PCDH15: variants seen among roughly 807,000 people sequenced by gnomAD.
The protein encoded by PCDH15 is protocadherin related 15, also known as protocadherin-15.
Under a neutral mutation model 178.5 loss-of-function variants are expected in PCDH15, and 129 were observed. The observed-to-expected ratio is 0.72, with a 90% confidence interval of 0.63 to 0.84. The LOEUF (loss-of-function observed/expected upper bound fraction) is 0.84, where lower values mean the gene tolerates loss of function less well. Among genes scored for constraint, PCDH15 ranks in the 40% least tolerant of loss-of-function variants. The pLI, the probability that PCDH15 is intolerant of heterozygous loss-of-function variation, is 0.00. For synonymous variants in PCDH15, 800 were observed against 732.0 expected, an observed-to-expected ratio of 1.09 and a Z score of -1.50; for missense variants, 2,230 against 2,099.9, an observed-to-expected ratio of 1.06 and a Z score of -1.21.
At chr10:54,485,677 G>A (rs956280594) in intron 3 of PCDH15, among the ~76,000 whole-genome samples, 3 of 151,922 alleles carry the variant, frequency 2.0e-5, no homozygotes, top group Non-Finnish European at 4.4e-5. Context: ...CAGGACAGAT[G>A]GAGTTGCTTT....
intron 16 of PCDH15, among the ~76,000 whole-genome samples, chr10:54,087,879 T>C (rs2094540036): frequency 6.6e-6 from 1 of 152,132 alleles, no homozygotes; most frequent in South Asian, 2.1e-4. Context: ...GCTCTCTTGA[T>C]AGAGTTCAGG....
At chr10:54,787,367 C>T in intron 1 of PCDH15, among the ~76,000 whole-genome samples, 1 of 151,756 alleles carries the variant, frequency 6.6e-6, no homozygotes, top group Non-Finnish European at 1.5e-5. Context: ...TATCTAAAAG[C>T]ATTTATTTTT....
At chr10:55,171,859 G>C (rs182297827) in intron 1 of PCDH15, among the ~76,000 whole-genome samples, 134 of 151,938 alleles carry the variant, frequency 8.8e-4, no homozygotes, top group Non-Finnish European at 1.4e-3. Context: ...TGGCTAAATA[G>C]TAGTGATGTA....
intron 2 of PCDH15, among the ~76,000 whole-genome samples, chr10:54,953,514 T>C (rs899328964): frequency 2.6e-5 from 4 of 151,458 alleles, no homozygotes; most frequent in African/African-American, 9.7e-5. Flanking sequence ...GAAATCATTA[T>C]AATACACCTA....
intron 3 of PCDH15, among the ~76,000 whole-genome samples, chr10:54,478,079 G>T (rs757679631): frequency 6.6e-6 from 1 of 151,646 alleles, no homozygotes; most frequent in Non-Finnish European, 1.5e-5. Flanking sequence ...ATATCTAGTC[G>T]CCCTAATAAT....
chr10:55,222,175 T>G (rs1840896436), intron 1 of PCDH15, among the ~76,000 whole-genome samples: 1 of 151,826 alleles, frequency 6.6e-6, no homozygotes, highest in Admixed American at 6.6e-5. Flanking sequence ...GCGCCCAGCC[T>G]ATATAATTTA....
chr10:54,225,006 A>G (rs902716975), intron 9 of PCDH15, among the ~76,000 whole-genome samples: 1 of 152,180 alleles, frequency 6.6e-6, no homozygotes, highest in Admixed American at 6.5e-5. Flanking sequence ...ATCCATTTTT[A>G]CATATTATTA....
intron 9 of PCDH15, among the ~76,000 whole-genome samples, chr10:54,219,558 A>G (rs2052542193): frequency 7.1e-6 from 1 of 139,932 alleles, no homozygotes; most frequent in Non-Finnish European, 1.5e-5. Context: ...CCGCCACTGC[A>G]CTCCAGCTTG....
At chr10:54,902,189 C>G (rs1954648563) in intron 2 of PCDH15, among the ~76,000 whole-genome samples, 2 of 152,130 alleles carry the variant, frequency 1.3e-5, no homozygotes, top group Admixed American at 6.6e-5. Flanking sequence ...TCAATAAGCT[C>G]TATACCTACT....
intron 2 of PCDH15, among the ~76,000 whole-genome samples, chr10:54,577,249 A>ATT (rs10699732): frequency 0.1 from 14,288 of 141,630 alleles, 979 homozygotes; most frequent in East Asian, 0.33. Context: ...CGCCCAGCTA[A>ATT]TTTTTTTTTT....
At chr10:54,058,767 C>T (rs1473758776) in intron 18 of PCDH15, among the ~76,000 whole-genome samples, 6 of 151,646 alleles carry the variant, frequency 4.0e-5, no homozygotes, top group Non-Finnish European at 7.4e-5. Flanking sequence ...AATCTCAACT[C>T]ACTGCAACCT....
At chr10:55,146,719 A>G (rs1237845849) in intron 2 of PCDH15, among the ~76,000 whole-genome samples, 1 of 151,958 alleles carries the variant, frequency 6.6e-6, no homozygotes, top group African/African-American at 2.4e-5. Flanking sequence ...TATCATGGCC[A>G]TTATTAAAAT....
chr10:55,344,372 ATTCATGGGG>A (rs886967049), intron 2 of PCDH15, among the ~76,000 whole-genome samples: 51 of 152,218 alleles, frequency 3.4e-4, no homozygotes, highest in African/African-American at 1.2e-3. Context: ...TATGAATAAA[ATTCATGGGG>A]TTCAGGGGAA....
chr10:54,585,987 A>G (rs2091435483), intron 2 of PCDH15, among the ~76,000 whole-genome samples: 1 of 152,152 alleles, frequency 6.6e-6, no homozygotes, highest in Non-Finnish European at 1.5e-5. Context: ...CCGAGAAGGG[A>G]CAATAAAATT....
Position 54,485,061 on chromosome 10 carries a change from A to G in PCDH15, c.157+42751T>C, listed in dbSNP as rs146367930. 4.8e-3 allele frequency among the ~76,000 whole-genome samples: 724 copies of G among 151,984 alleles called. 5 individuals carry two copies. Among genetic ancestry groups the G allele is most frequent in the African/African-American group, 0.017 (698 of 41,512 alleles). On this transcript the variant is annotated intron_variant, in intron 3 of 37. Transcript: ENST00000644397. ...ATTAACAATATATAAGCAACTACAT[A>G]AGGCTGAAATAGGCAGGGATTGTGA...
At chr10:54,799,255 C>T (rs1952384052) in intron 1 of PCDH15, among the ~76,000 whole-genome samples, 1 of 152,064 alleles carries the variant, frequency 6.6e-6, no homozygotes, top group Admixed American at 6.6e-5. Context: ...TGCCTATCTG[C>T]TGTGAAAGTT....
intron 8 of PCDH15, among the ~76,000 whole-genome samples, chr10:54,267,471 A>G (rs1484924830): frequency 1.3e-5 from 2 of 151,958 alleles, no homozygotes; most frequent in Admixed American, 1.3e-4. Context: ...ATAGGAAAAG[A>G]GGAAGTTAAA....
chr10:55,018,409 T>C (rs578152958), intron 2 of PCDH15, among the ~76,000 whole-genome samples: 1 of 152,150 alleles, frequency 6.6e-6, no homozygotes, highest in Non-Finnish European at 1.5e-5. Context: ...AGGTTATTTT[T>C]AATACCTAAT....
intron 2 of PCDH15, among the ~76,000 whole-genome samples, chr10:55,371,776 GT>G (rs1464129184): frequency 3.9e-5 from 6 of 152,030 alleles, no homozygotes; most frequent in African/African-American, 1.4e-4. Flanking sequence ...GTCTCAGGTA[GT>G]TTTTTATAGC....
Sources: allele counts gnomAD v4.1 joint callset (sites outside exome capture counted in the v4.1 genomes callset), GRCh38; gene constraint gnomAD v4.1.1; transcripts MANE v1.5; gene names NCBI Gene and HGNC (gene_info 2026-07-23, HGNC 2026-07-21).